Variants in RPS6KC1 observed in about 807,000 individuals in gnomAD.
RPS6KC1 encodes the protein ribosomal protein S6 kinase C1.
In RPS6KC1, 54 loss-of-function variants were observed where a neutral mutation model predicts 103.8. That is an observed-to-expected ratio of 0.52 (90% CI 0.42 to 0.65). The LOEUF (loss-of-function observed/expected upper bound fraction) is 0.65, where lower values mean the gene tolerates loss of function less well. Ranked by LOEUF, RPS6KC1 falls within the 30% of genes least tolerant of loss-of-function variation. RPS6KC1 has a pLI of 0.00. For synonymous variants in RPS6KC1, 439 were observed against 438.7 expected (o/e 1.00, Z -0.01); for missense variants, 1,151 against 1,253.8 (o/e 0.92, Z 1.24).
At chr1:213,700,291 A>G in the RPS6KC1 span, among the ~76,000 whole-genome samples, 2 of 152,062 alleles carry the variant, frequency 1.3e-5, no homozygotes, top group Non-Finnish European at 2.9e-5. Flanking sequence ...TCCCAGCACC[A>G]TTTATTGAAG....
At chr1:213,435,131 T>C in the RPS6KC1 span, among the ~76,000 whole-genome samples, 2 of 152,224 alleles carry the variant, frequency 1.3e-5, no homozygotes, top group Admixed American at 6.5e-5. Context: ...TTTTCAAGTT[T>C]ACTAATATTT....
intron 7 of RPS6KC1, among the ~76,000 whole-genome samples, chr1:213,171,135 A>G (rs2091442845): frequency 6.6e-6 from 1 of 152,168 alleles, no homozygotes; most frequent in Non-Finnish European, 1.5e-5. Flanking sequence ...AGATCTTTAT[A>G]TAATAAATAT....
At chr1:213,612,421 G>A in the RPS6KC1 span, among the ~76,000 whole-genome samples, 5 of 152,164 alleles carry the variant, frequency 3.3e-5, no homozygotes, top group South Asian at 4.2e-4. Context: ...GGTAAGAGCC[G>A]AGGGCCTGAA....
Position 213,238,156 on chromosome 1 carries a change from A to C in RPS6KC1, c.1226-2546A>C, listed in dbSNP as rs2094268046. ...ATAAAAGTAATATTAATATGATGTA[A>C]ATGTCATAAGGAGTATGAAGGTGGA... On this transcript the variant is annotated intron_variant, in intron 10 of 14. Transcript: ENST00000366960. 1.3e-5 allele frequency among the ~76,000 whole-genome samples: 2 copies of C among 152,160 alleles called. 1 individual carries two copies.
chr1:213,160,187 A>C lies in RPS6KC1; in HGVS notation c.836-7671A>C, dbSNP rs182631632. Among the ~76,000 whole-genome samples the C allele has an allele frequency of 6.2e-4, 95 of 152,300 alleles. 1 individual carries two copies. Among genetic ancestry groups the C allele is most frequent in the Admixed American group, 4.5e-3 (69 of 15,304 alleles). Reference sequence around the variant, plus strand: ...ACTGTGTTGCCGTTAGTGTTCTCAAAATGGGTTTCATCTGAAAAATAGCCA... The same window carrying C: ...ACTGTGTTGCCGTTAGTGTTCTCAACATGGGTTTCATCTGAAAAATAGCCA... On this transcript the variant is annotated intron_variant, in intron 6 of 14. Coordinates refer to ENST00000366960, the MANE Select transcript of RPS6KC1 (RefSeq NM_012424.6).
chr1:213,368,654 G>A, the RPS6KC1 span, among the ~76,000 whole-genome samples: 3 of 152,164 alleles, frequency 2.0e-5, no homozygotes, highest in African/African-American at 7.2e-5. Flanking sequence ...GTTGACTGAA[G>A]CTGTAGCTTT....
intron 6 of RPS6KC1, among the ~76,000 whole-genome samples, chr1:213,138,312 C>T (rs2086617842): frequency 1.3e-5 from 2 of 151,810 alleles, no homozygotes; most frequent in South Asian, 4.1e-4. Context: ...AGTTTTGTGG[C>T]AACACTGTAT....
At chr1:213,171,265 A>T (rs977384638) in intron 7 of RPS6KC1, among the ~76,000 whole-genome samples, 3 of 152,062 alleles carry the variant, frequency 2.0e-5, no homozygotes, top group African/African-American at 7.2e-5. Context: ...GCTCCAAGAA[A>T]ATTTAGGAGC....
At position 213,051,302 on chromosome 1, in the gene RPS6KC1, C is replaced by T; in HGVS notation, c.-103C>T. 1 of 804,538 alleles carries T rather than the reference C, an allele frequency of 1.2e-6. No individual in the cohort carries two copies. The highest frequency in any genetic ancestry group is 1.6e-5 in the South Asian group (1 of 63,484). 49.8% of individuals were successfully genotyped at this position (804,538 alleles called of 1,614,324 possible). A position where few individuals can be genotyped will look rare whatever the true frequency, so the allele number is the denominator to read the frequency against. On this transcript the variant is annotated 5_prime_UTR_variant, in exon 1 of 15. Coordinates refer to ENST00000366960, the MANE Select transcript of RPS6KC1 (RefSeq NM_012424.6). Reference sequence around the variant, plus strand: ...GTGGAGCCGCCTTGGAGCCACCGCCCCCTCGCCGCTTCGCCGCTGCGTTGG... The same window carrying T: ...GTGGAGCCGCCTTGGAGCCACCGCCTCCTCGCCGCTTCGCCGCTGCGTTGG...
At chr1:213,512,038 G>GAGAT in the RPS6KC1 span, among the ~76,000 whole-genome samples, 1 of 152,198 alleles carries the variant, frequency 6.6e-6, no homozygotes, top group Non-Finnish European at 1.5e-5. Flanking sequence ...AGGCCTTGAC[G>GAGAT]AGATAGTGAT....
chr1:213,829,268 CAAAAAAAAAAA>C, the RPS6KC1 span, among the ~76,000 whole-genome samples: 10 of 114,376 alleles, frequency 8.7e-5, no homozygotes, highest in South Asian at 3.3e-4. Context: ...TCGTTTGTTT[CAAAAAAAAAAA>C]AAAAAAAAAG....
the RPS6KC1 span, among the ~76,000 whole-genome samples, chr1:213,579,152 C>T: frequency 4.6e-5 from 7 of 152,068 alleles, no homozygotes; most frequent in Non-Finnish European, 8.8e-5. Context: ...TAATCTCTTG[C>T]CTGCTGCCAT....
intron 1 of RPS6KC1, among the ~76,000 whole-genome samples, chr1:213,070,021 T>C (rs2148454478): frequency 6.6e-6 from 1 of 152,348 alleles, no homozygotes; most frequent in East Asian, 1.9e-4. Flanking sequence ...TTAGGGAGTA[T>C]TGATAGAAGG....
At chr1:213,797,746 G>T in the RPS6KC1 span, among the ~76,000 whole-genome samples, 2 of 152,188 alleles carry the variant, frequency 1.3e-5, no homozygotes, top group African/African-American at 4.8e-5. Context: ...AGACTCAGAA[G>T]AAAAATACAA....
chr1:213,573,466 C>T, the RPS6KC1 span, among the ~76,000 whole-genome samples: 1 of 152,176 alleles, frequency 6.6e-6, no homozygotes, highest in Non-Finnish European at 1.5e-5. Context: ...GCTGTTTATA[C>T]AGTGCTGTGT....
the RPS6KC1 span, among the ~76,000 whole-genome samples, chr1:213,498,952 G>A: frequency 6.6e-6 from 1 of 150,994 alleles, no homozygotes; most frequent in Non-Finnish European, 1.5e-5. Flanking sequence ...GCTGATTTTT[G>A]TATTTTTAGT....
the RPS6KC1 span, among the ~76,000 whole-genome samples, chr1:213,693,254 C>T: frequency 5.9e-5 from 9 of 152,162 alleles, no homozygotes; most frequent in Non-Finnish European, 1.3e-4. Context: ...AACCCCCAGC[C>T]TCCTTTCTGA....
At chr1:213,704,385 C>CAA in the RPS6KC1 span, among the ~76,000 whole-genome samples, 247 of 27,556 alleles carry the variant, frequency 9.0e-3, 24 homozygotes, top group African/African-American at 0.012. Flanking sequence ...GACTCCGTCT[C>CAA]AAAAAAAAAA....
the RPS6KC1 span, among the ~76,000 whole-genome samples, chr1:213,516,435 A>C: frequency 6.6e-6 from 1 of 152,190 alleles, no homozygotes; most frequent in Non-Finnish European, 1.5e-5. Context: ...AATTTTTAGC[A>C]TGAAGGGTTG....
Sources: allele counts gnomAD v4.1 joint callset (sites outside exome capture counted in the v4.1 genomes callset), GRCh38; gene constraint gnomAD v4.1.1; transcripts MANE v1.5; gene names NCBI Gene and HGNC (gene_info 2026-07-23, HGNC 2026-07-21).